Variants in BCAS3 observed in about 807,000 individuals in gnomAD.
BCAS3 encodes the protein BCAS4/BCAS3 fusion.
A neutral mutation model predicts 116.1 loss-of-function variants in BCAS3; 53 were observed. That is an observed-to-expected ratio of 0.46 (90% CI 0.37 to 0.57). BCAS3 has a LOEUF of 0.57. Among genes scored for constraint, BCAS3 ranks in the 20% least tolerant of loss-of-function variants. The probability of loss-of-function intolerance (pLI) is 0.00; values close to 1 mark genes in which losing one functional copy is unlikely to be tolerated. For missense variants in BCAS3, 917 were observed against 1,165.4 expected (o/e 0.79, Z 3.10); for synonymous variants, 391 against 408.2 (o/e 0.96, Z 0.51).
chr17:60,833,501 C>T (rs1424191121), intron 7 of BCAS3, among the ~76,000 whole-genome samples: 1 of 152,174 alleles, frequency 6.6e-6, no homozygotes, highest in Non-Finnish European at 1.5e-5. Context: ...CTCACAGTTG[C>T]TGTGGTTACA....
In BCAS3 at chr17:60,895,078, G is replaced by A. The variant is rs187973496; in HGVS notation, c.738+5307G>A. Among the ~76,000 whole-genome samples the A allele has an allele frequency of 8.3e-3, 1,256 of 152,204 alleles. 6 individuals carry two copies. Among genetic ancestry groups the A allele is most frequent in the Non-Finnish European group, 0.014 (963 of 67,974 alleles). Reference sequence around the variant, plus strand: ...GGTATCAGATGATGTTGGCTTCATAGAATGAGTTAGGGAGAGTTTCTTCCT... The same window carrying A: ...GGTATCAGATGATGTTGGCTTCATAAAATGAGTTAGGGAGAGTTTCTTCCT... On this transcript the variant is annotated intron_variant, in intron 10 of 23. Transcript: ENST00000407086.
chr17:60,704,066 G>A (rs2036798420), intron 4 of BCAS3, among the ~76,000 whole-genome samples: 1 of 152,144 alleles, frequency 6.6e-6, no homozygotes, highest in African/African-American at 2.4e-5. Flanking sequence ...AGAAAAGGGT[G>A]GTTTGATAAT....
At chr17:60,946,050 G>A (rs918251745) in intron 13 of BCAS3, among the ~76,000 whole-genome samples, 1 of 152,128 alleles carries the variant, frequency 6.6e-6, no homozygotes, top group African/African-American at 2.4e-5. Flanking sequence ...AACCTGGGAG[G>A]CGGAGCTTGC....
chr17:61,141,477 G>A lies in BCAS3; in HGVS notation c.2425+56913G>A, dbSNP rs2143938626. Among the ~76,000 whole-genome samples, 1 of 152,286 alleles carries A rather than the reference G, an allele frequency of 6.6e-6. No individual in the cohort carries two copies. Among genetic ancestry groups the A allele is most frequent in the Non-Finnish European group, 1.5e-5 (1 of 68,024 alleles). ...GGAGGCTGAGGTGGAAGGATTCCTTGAGTCCAGGAGTTCGAGACTGCAGTG... is the reference window on the plus strand; with the variant it reads ...GGAGGCTGAGGTGGAAGGATTCCTTAAGTCCAGGAGTTCGAGACTGCAGTG... On this transcript the variant is annotated intron_variant, in intron 22 of 23. Coordinates refer to ENST00000407086, the MANE Select transcript of BCAS3 (RefSeq NM_017679.5). This position sits in a 1 kb window ranked among gnomAD's most constrained non-coding sequence, Gnocchi z 4.3.
At chr17:60,849,741 C>A (rs1016773952) in intron 7 of BCAS3, among the ~76,000 whole-genome samples, 5 of 152,032 alleles carry the variant, frequency 3.3e-5, no homozygotes, top group Non-Finnish European at 7.4e-5. Flanking sequence ...CAGTGGTCTT[C>A]TTTCTTCTTC....
At chr17:61,070,563 A>G (rs1311301009) in intron 19 of BCAS3, among the ~76,000 whole-genome samples, 1 of 151,580 alleles carries the variant, frequency 6.6e-6, no homozygotes, top group Non-Finnish European at 1.5e-5. Flanking sequence ...TTGCCTTTGT[A>G]ATATAAGAAT....
chr17:60,905,791 C>T (rs1178465340), intron 11 of BCAS3, among the ~76,000 whole-genome samples: 5 of 151,956 alleles, frequency 3.3e-5, no homozygotes, highest in South Asian at 2.1e-4. Context: ...AGGATTGGGG[C>T]GAGATGTGAT....
chr17:61,079,077 T>C (rs976336094), intron 21 of BCAS3, among the ~76,000 whole-genome samples: 1 of 152,206 alleles, frequency 6.6e-6, no homozygotes, highest in Non-Finnish European at 1.5e-5. Flanking sequence ...TTAGCTTTTT[T>C]TTTTAATTGC....
chr17:60,767,194 G>T (rs1028152681), intron 6 of BCAS3, among the ~76,000 whole-genome samples: 2 of 152,064 alleles, frequency 1.3e-5, no homozygotes, highest in African/African-American at 4.8e-5. Flanking sequence ...GCCCTCCGTG[G>T]GCTGCACCCA....
chr17:60,991,275 G>A (rs777494282), intron 15 of BCAS3, among the ~76,000 whole-genome samples: 7 of 152,110 alleles, frequency 4.6e-5, no homozygotes, highest in Non-Finnish European at 1.0e-4. Context: ...TGTTGTTGCA[G>A]GTAGGTTTAG....
chr17:61,100,601 C>A (rs1424432962), intron 22 of BCAS3, among the ~76,000 whole-genome samples: 2 of 152,162 alleles, frequency 1.3e-5, no homozygotes, highest in Non-Finnish European at 2.9e-5. Flanking sequence ...ATGAGCTCAT[C>A]TTTGTACTCC....
intron 22 of BCAS3, among the ~76,000 whole-genome samples, chr17:61,207,743 G>GA (rs1452624288): frequency 6.6e-6 from 1 of 152,120 alleles, no homozygotes; most frequent in African/African-American, 2.4e-5. Context: ...ATCCAGAGGA[G>GA]AAAATCCGCC....
rs1037466362 is a variant in BCAS3 at position 60,779,294 on chromosome 17, A to G, written c.404-28710A>G. 1.3e-5 allele frequency among the ~76,000 whole-genome samples: 2 copies of G among 152,158 alleles called. 1 individual carries two copies. The highest frequency in any genetic ancestry group is 2.9e-5 in the Non-Finnish European group (2 of 68,018). ...TAACACAAACTGTTTCATGCACAAAATTAACAAAAATACTGTATCAAATTA... is the reference window on the plus strand; with the variant it reads ...TAACACAAACTGTTTCATGCACAAAGTTAACAAAAATACTGTATCAAATTA... On this transcript the variant is annotated intron_variant, in intron 6 of 23. Coordinates refer to ENST00000407086, the MANE Select transcript of BCAS3 (RefSeq NM_017679.5).
chr17:60,876,979 C>T (rs1040767171), intron 9 of BCAS3, among the ~76,000 whole-genome samples: 1 of 151,902 alleles, frequency 6.6e-6, no homozygotes, highest in Non-Finnish European at 1.5e-5. Context: ...AAATTATGTT[C>T]GGTTTCAAAG....
intron 22 of BCAS3, among the ~76,000 whole-genome samples, chr17:61,230,259 A>C (rs2082597140): frequency 6.6e-6 from 1 of 152,168 alleles, no homozygotes; most frequent in Non-Finnish European, 1.5e-5. Flanking sequence ...ATAAAATTTT[A>C]AGCAAAACAG....
chr17:60,871,714 A>C (rs2055120403), intron 8 of BCAS3, among the ~76,000 whole-genome samples: 1 of 151,412 alleles, frequency 6.6e-6, no homozygotes, highest in South Asian at 2.1e-4. Context: ...CCAGTGTTAA[A>C]CCATTCTTAC....
At chr17:61,016,230 T>C (rs2065449108) in intron 16 of BCAS3, among the ~76,000 whole-genome samples, 1 of 152,234 alleles carries the variant, frequency 6.6e-6, no homozygotes, top group South Asian at 2.1e-4. Flanking sequence ...TTCCTGGCTC[T>C]TTCGGGATTT....
chr17:60,768,931 G>A (rs576419443), intron 6 of BCAS3, among the ~76,000 whole-genome samples: 4 of 152,272 alleles, frequency 2.6e-5, no homozygotes, highest in Admixed American at 2.6e-4. Context: ...TAGCAGGGGT[G>A]GAGCAATGCA....
intron 5 of BCAS3, among the ~76,000 whole-genome samples, chr17:60,729,892 A>G (rs2040288678): frequency 6.6e-6 from 1 of 152,254 alleles, no homozygotes; most frequent in South Asian, 2.1e-4. Flanking sequence ...GACACTCTCT[A>G]TAATGGTGTT....
Sources: gnomAD v4.1 joint callset for allele counts (sites outside exome capture counted in the v4.1 genomes callset) on GRCh38, gnomAD v4.1.1 for gene constraint, Gnocchi (gnomAD v3.1) non-coding constraint, MANE v1.5 for transcripts, NCBI Gene and HGNC (gene_info 2026-07-23, HGNC 2026-07-21) for gene names.